Variants in POLR3E observed in about 807,000 individuals in gnomAD.
POLR3E encodes the protein DNA-directed RNA polymerase III subunit RPC5.
POLR3E carries 41 observed loss-of-function variants against 96.6 expected under a neutral mutation model. That is an observed-to-expected ratio of 0.42 (90% CI 0.33 to 0.55). POLR3E has a LOEUF of 0.55. Among genes scored for constraint, POLR3E ranks in the 20% least tolerant of loss-of-function variants. The probability of loss-of-function intolerance (pLI) is 0.06; values close to 1 mark genes in which losing one functional copy is unlikely to be tolerated. For missense variants in POLR3E, 849 were observed against 952.1 expected (o/e 0.89, Z 1.43); for synonymous variants, 396 against 383.6 (o/e 1.03, Z -0.38).
In POLR3E at chr16:22,308,190, C is replaced by T. The variant is rs1219044860; in HGVS notation, c.130C>T (p.His44Tyr). 4 of 1,613,650 alleles carry T rather than the reference C, an allele frequency of 2.5e-6. No individual in the cohort carries two copies. The highest frequency in any genetic ancestry group is 2.5e-6 in the Non-Finnish European group (3 of 1,179,746). Residue 44 changes from histidine (H) to tyrosine (Y), a missense_variant, in exon 4 of 21, where the codon CAC becomes TAC. His to Tyr is a moderately conservative substitution (Grantham distance 83). Coordinates refer to ENST00000299853, the MANE Select transcript of POLR3E (RefSeq NM_018119.4). The part of the protein sequence containing the change: ...PASMTYDDIP[H>Y]LSAKIKPKQQ... ...CTCGATGACCTACGATGACATTCCG[C>T]ACCTCTCAGCCAAGATCAAGCCCAA...
In POLR3E at chr16:22,326,489, G is replaced by T. The variant is rs2048598193; in HGVS notation, c.1866+211G>T. 1.7e-5 allele frequency: 10 copies of T among 605,918 alleles called. No homozygotes were observed. The South Asian group carries it at 1.9e-4, about 12-fold the overall frequency. 37.5% of individuals were successfully genotyped at this position (605,918 alleles called of 1,614,324 possible). Reference sequence around the variant, plus strand: ...TTTTATGTCACAGGACTGTGGTAGGGGCTAAATACGGTGTCTGAAGGCCCG... The same window carrying T: ...TTTTATGTCACAGGACTGTGGTAGGTGCTAAATACGGTGTCTGAAGGCCCG... On this transcript the variant is annotated intron_variant, in intron 18 of 20. Coordinates refer to ENST00000299853, the MANE Select transcript of POLR3E (RefSeq NM_018119.4).
Position 22,313,334 on chromosome 16 carries a change from AG to A in POLR3E, c.365-282del, listed in dbSNP as rs1372538925. ...TGTTGCAAAGCGAGCAGCTGGGGAG[AG>A]GGGCGTGGAACCAGACTGGGAGGTG... On this transcript the variant is annotated intron_variant, in intron 6 of 20. Coordinates refer to ENST00000299853, the MANE Select transcript of POLR3E (RefSeq NM_018119.4). This position sits in a 1 kb window ranked among gnomAD's most constrained non-coding sequence, Gnocchi z 4.1. Among the ~76,000 whole-genome samples, 4 of 152,030 alleles carry A rather than the reference AG, an allele frequency of 2.6e-5. No individual in the cohort carries two copies. Among genetic ancestry groups the A allele is most frequent in the South Asian group, 2.1e-4 (1 of 4,822 alleles).
In POLR3E at chr16:22,309,523, G is replaced by A; in HGVS notation, c.364+13G>A. Reference sequence around the variant, plus strand: ...CTCTACAGGCAAGGTACCCGGGGCTGGGTGTCCCGCGGTGGGGACATGGCA... The same window carrying A: ...CTCTACAGGCAAGGTACCCGGGGCTAGGTGTCCCGCGGTGGGGACATGGCA... On this transcript the variant is annotated intron_variant, in intron 6 of 20. Transcript: ENST00000299853. 1.9e-6 allele frequency: 3 copies of A among 1,603,410 alleles called. No individual in the cohort carries two copies. The highest frequency in any genetic ancestry group is 2.6e-6 in the Non-Finnish European group (3 of 1,170,564).
At chr16:22,331,126 G>A (rs922477117) in intron 19 of POLR3E, among the ~76,000 whole-genome samples, 3 of 150,356 alleles carry the variant, frequency 2.0e-5, no homozygotes, top group African/African-American at 7.3e-5. Flanking sequence ...TTATAGGCGT[G>A]TGCCACCACG....
intron 3 of POLR3E, 39 bp from the exon 4 acceptor site, chr16:22,308,109 T>G (rs1480759460): frequency 4.0e-6 from 6 of 1,518,108 alleles, no homozygotes; most frequent in Middle Eastern, 1.7e-4. Flanking sequence ...TGGGCATGGC[T>G]GGGCAGAGTG....
chr16:22,301,449 T>A (rs1221233162), intron 1 of POLR3E, among the ~76,000 whole-genome samples: 1 of 152,064 alleles, frequency 6.6e-6, no homozygotes, highest in Non-Finnish European at 1.5e-5. Flanking sequence ...GAGCGGATGG[T>A]GCATGCCAAT....
chr16:22,311,671 T>A lies in POLR3E; in HGVS notation c.365-1949T>A, dbSNP rs559548436. On this transcript the variant is annotated intron_variant, in intron 6 of 20. Coordinates refer to ENST00000299853, the MANE Select transcript of POLR3E (RefSeq NM_018119.4). ...CACATCTGGCTAATTTTTTAAAAAA[T>A]TTTTTGTTGAGGTGGGGTCTTGCTA... Among the ~76,000 whole-genome samples the A allele has an allele frequency of 4.6e-5, 7 of 151,980 alleles. 1 individual carries two copies. In the East Asian group the frequency reaches 7.8e-4, roughly 17 times the overall value.
At chr16:22,298,082 T>C (rs987024078) in intron 1 of POLR3E, among the ~76,000 whole-genome samples, 8 of 152,234 alleles carry the variant, frequency 5.3e-5, no homozygotes, top group African/African-American at 1.9e-4. Flanking sequence ...CAGGCAACCA[T>C]TCAGTGTTTA....
Position 22,317,138 on chromosome 16 carries a change from A to G in POLR3E, c.797A>G (p.Asn266Ser). 1 of 1,614,140 alleles carries G rather than the reference A, an allele frequency of 6.2e-7. No individual in the cohort carries two copies. The highest frequency in any genetic ancestry group is 8.5e-7 in the Non-Finnish European group (1 of 1,179,998). The change falls in exon 12 of 21, where the codon AAC becomes AGC. Residue 266 changes from asparagine (N) to serine (S), a missense_variant. By Grantham distance (46) the Asn-to-Ser change is conservative. Transcript: ENST00000299853. The stretch of plus-strand genomic sequence containing the variant: ...AGAGACAAGCCTGTGGCCCCCAGCA[A>G]CGTCCTGTCGATGGCCCAGCTGCGC... ...EEKDKPVAPS[N>S]VLSMAQLRTL...
rs900471943 is a variant in POLR3E at position 22,322,737 on chromosome 16, C to T, written c.987-113C>T. On this transcript the variant is annotated intron_variant, in intron 13 of 20. Coordinates refer to ENST00000299853, the MANE Select transcript of POLR3E (RefSeq NM_018119.4). This position sits in a 1 kb window ranked among gnomAD's most constrained non-coding sequence, Gnocchi z 5.2. ...CTAAGGGGAGGTCTTGGGGCTCAGG[C>T]CTGTACCCAGCCCACGGTGGAAAGA... The T allele has an allele frequency of 7.8e-5, 56 of 721,642 alleles. No homozygotes were observed. Among genetic ancestry groups the T allele is most frequent in the Middle Eastern group, 2.4e-4 (1 of 4,220 alleles). The allele number at this position is 721,642 out of a possible 1,614,324, so 44.7% of individuals were successfully genotyped here.
intron 19 of POLR3E, chr16:22,329,034 C>G (rs1055387441): frequency 5.3e-6 from 1 of 188,950 alleles, no homozygotes; most frequent in African/African-American, 2.4e-5. Flanking sequence ...TGCAGTGAAC[C>G]GAGATTGCAC....
intron 2 of POLR3E, among the ~76,000 whole-genome samples, chr16:22,303,612 G>A (rs1351467596): frequency 2.0e-5 from 3 of 148,598 alleles, no homozygotes; most frequent in Non-Finnish European, 4.4e-5. Flanking sequence ...GGAGTCTCCG[G>A]GTACAGGCAG....
intron 18 of POLR3E, chr16:22,326,529 C>G: frequency 1.8e-6 from 1 of 567,706 alleles, no homozygotes; most frequent in Non-Finnish European, 3.2e-6. Context: ...ATTGCCTGGC[C>G]TGCAGCAGGG....
At position 22,325,758 on chromosome 16, in the gene POLR3E, C is replaced by T. The variant is rs1264212059; in HGVS notation, c.1349-3C>T. ...CTGAGCAGTGCTGCCTCCCTCCCCG[C>T]AGGGCCTGCCGGGCTGGTCTGTGGG... On this transcript the variant is annotated splice_polypyrimidine_tract_variant and splice_region_variant and intron_variant, in intron 17 of 20. Coordinates refer to ENST00000299853, the MANE Select transcript of POLR3E (RefSeq NM_018119.4). 3 of 1,552,544 alleles carry T rather than the reference C, an allele frequency of 1.9e-6. No individual in the cohort carries two copies. Among genetic ancestry groups the T allele is most frequent in the Non-Finnish European group, 2.6e-6 (3 of 1,151,350 alleles).
Position 22,322,748 on chromosome 16 carries a change from C to G in POLR3E, c.987-102C>G. 2.6e-6 allele frequency: 2 copies of G among 776,718 alleles called. No individual in the cohort carries two copies. Among genetic ancestry groups the G allele is most frequent in the Non-Finnish European group, 4.4e-6 (2 of 457,398 alleles). The allele number at this position is 776,718 out of a possible 1,614,324, so 48.1% of individuals were successfully genotyped here. On this transcript the variant is annotated intron_variant, in intron 13 of 20. Transcript: ENST00000299853. The surrounding 1 kb of genome is among the most constrained non-coding windows in gnomAD (Gnocchi z 5.2). The stretch of plus-strand genomic sequence containing the variant: ...TCTTGGGGCTCAGGCCTGTACCCAG[C>G]CCACGGTGGAAAGAAGCATGGACTG...
At chr16:22,330,649 ATCTCTGCTTCT>A (rs2048717797) in intron 19 of POLR3E, among the ~76,000 whole-genome samples, 1 of 152,272 alleles carries the variant, frequency 6.6e-6, no homozygotes, top group Admixed American at 6.5e-5. Flanking sequence ...GAATTCTGGA[ATCTCTGCTTCT>A]TCCTTGCTTT....
In POLR3E at chr16:22,326,008, C is replaced by G; in HGVS notation, c.1596C>G (p.Asn532Lys). The G allele has an allele frequency of 6.3e-7, 1 of 1,596,596 alleles. No homozygotes were observed. Among genetic ancestry groups the G allele is most frequent in the Non-Finnish European group, 8.5e-7 (1 of 1,170,490 alleles). ...GCGGCCTCCACAGCAAGCTGGCCAA[C>G]GGGCTGCCTCTCGGGCGGGCTGCGG... ...SPSGLHSKLA[N>K]GLPLGRAAGT... Residue 532 changes from asparagine (N) to lysine (K), a missense_variant, in exon 18 of 21, where the codon AAC becomes AAG. Asn to Lys is a moderately conservative substitution (Grantham distance 94). Transcript: ENST00000299853.
chr16:22,309,090 G>C, intron 5 of POLR3E, 50 bp downstream of exon 5: 1 of 1,282,288 alleles, frequency 7.8e-7, no homozygotes, highest in Non-Finnish European at 1.1e-6. Context: ...TCACACAGGA[G>C]CCTCCAAAAG....
Position 22,318,898 on chromosome 16 carries a change from G to T in POLR3E, c.938G>T (p.Gly313Val). 3 of 1,613,796 alleles carry T rather than the reference G, an allele frequency of 1.9e-6. No individual in the cohort carries two copies. The highest frequency in any genetic ancestry group is 1.7e-4 in the Middle Eastern group (1 of 6,060). Residue 313 changes from glycine to valine, a missense_variant, in exon 13 of 21, where the codon GGC becomes GTC. Transcript: ENST00000299853. The surrounding 1 kb of genome is among the most constrained non-coding windows in gnomAD (Gnocchi z 5.0). ...PSIDSVAVLR[G>V]IQKVAMLVQG... ...ATCGATTCCGTGGCTGTTCTGCGGG[G>T]CATCCAGAAGGTGGCGATGTTGGTC... is the stretch of plus-strand genomic sequence containing the variant.
Sources: gnomAD v4.1 joint callset for allele counts (sites outside exome capture counted in the v4.1 genomes callset) on GRCh38, gnomAD v4.1.1 for gene constraint, Gnocchi (gnomAD v3.1) non-coding constraint, MANE v1.5 for transcripts, NCBI Gene and HGNC (gene_info 2026-07-23, HGNC 2026-07-21) for gene names.